The following DLG5 variants were observed in gnomAD, a reference collection of about 807,000 sequenced individuals.
DLG5 encodes discs large MAGUK scaffold protein 5.
Under a neutral mutation model 189.8 loss-of-function variants are expected in DLG5, and 48 were observed. The ratio of observed to expected loss-of-function variants is 0.25; its 90% confidence interval spans 0.20 to 0.32. The LOEUF is 0.32. DLG5 is among the 10% of genes least tolerant of loss of function. DLG5 has a pLI of 1.00. For missense variants in DLG5, 2,160 were observed against 2,544.7 expected (o/e 0.85, Z 3.25); for synonymous variants, 1,016 against 1,054.1 (o/e 0.96, Z 0.70).
upstream of DLG5, among the ~76,000 whole-genome samples, chr10:77,931,201 C>T (rs558447370): frequency 6.6e-6 from 1 of 152,260 alleles, no homozygotes; most frequent in South Asian, 2.1e-4. Context: ...AAGAGATCCA[C>T]CTCTTGGGCC....
In DLG5 at chr10:77,807,057, C is replaced by T. The variant is rs186096547; in HGVS notation, c.4797-129G>A. 175 of 1,028,146 alleles carry T rather than the reference C, an allele frequency of 1.7e-4. No homozygotes were observed. The African/African-American group carries it at 2.5e-3, about 15-fold the overall frequency. The allele number at this position is 1,028,146 out of a possible 1,614,324, so 63.7% of individuals were successfully genotyped here. A position where few individuals can be genotyped will look rare whatever the true frequency, so the allele number is the denominator to read the frequency against. ...GCTGTCTCCAAACTTGATCAGGAAT[C>T]GCCGAGGGTGGTGATTCTCAAAGTG... On this transcript the variant is annotated intron_variant, in intron 25 of 31. Coordinates refer to ENST00000372391, the MANE Select transcript of DLG5 (RefSeq NM_004747.4).
In DLG5 at chr10:77,843,686, T is replaced by G; in HGVS notation, c.885A>C (p.Ser295=). The G allele has an allele frequency of 6.2e-7, 1 of 1,614,128 alleles. No individual in the cohort carries two copies. Among genetic ancestry groups the G allele is most frequent in the Non-Finnish European group, 8.5e-7 (1 of 1,180,034 alleles). ...CATACAGTTTGTTGAGAATCTCGGA[T>G]GACCCGTTGTGCTTCAACACCTGGA... ...QQQQVLKHNG[S]SEILNKLYDT... Residue 295 remains serine, a synonymous_variant, in exon 6 of 32, where the codon TCA becomes TCC. Transcript: ENST00000372391.
At chr10:77,894,543 C>CTTTTTT (rs35379334) in intron 1 of DLG5, among the ~76,000 whole-genome samples, 31 of 95,916 alleles carry the variant, frequency 3.2e-4, no homozygotes, top group African/African-American at 7.5e-4. Flanking sequence ...AAGAATAAAG[C>CTTTTTT]TTTTTTTTTT....
Position 77,854,328 on chromosome 10 carries a change from G to A in DLG5, c.579C>T (p.Ile193=). ...GGTCCGACATGGCTCGCACGCACTG[G>A]ATCTTCAGCCTCTCATAGTCAGGAT... ...RLNPDYERLK[I]QCVRAMSDLQ... is the part of the protein sequence containing the mutation. Residue 193 remains isoleucine (I), a synonymous_variant, in exon 4 of 32, where the codon ATC becomes ATT. Transcript: ENST00000372391. 1 of 1,614,118 alleles carries A rather than the reference G, an allele frequency of 6.2e-7. No individual in the cohort carries two copies.
At chr10:77,854,668 C>T (rs577509220) in intron 3 of DLG5, among the ~76,000 whole-genome samples, 1 of 152,214 alleles carries the variant, frequency 6.6e-6, no homozygotes, top group Admixed American at 6.5e-5. Flanking sequence ...GGTCTGAGTC[C>T]ACCAGAAACC....
At position 77,876,635 on chromosome 10, in the gene DLG5, T is replaced by A. The variant is rs545864769; in HGVS notation, c.305-7438A>T. On this transcript the variant is annotated intron_variant, in intron 1 of 31. Transcript: ENST00000372391. ...GTGATCCACCCCAAAATGCTGGAAT[T>A]ACAGGCATGAGCCACCACACCCAGC... is the stretch of plus-strand genomic sequence containing the variant. 1.4e-3 allele frequency among the ~76,000 whole-genome samples: 196 copies of A among 138,510 alleles called. 3 individuals are homozygous for A. The highest frequency in any genetic ancestry group is 5.3e-3 in the African/African-American group (194 of 36,620). The allele number at this position is 138,510 out of a possible 152,430, so 90.9% of individuals were successfully genotyped here. A position where few individuals can be genotyped will look rare whatever the true frequency, so the allele number is the denominator to read the frequency against.
intron 1 of DLG5, among the ~76,000 whole-genome samples, chr10:77,872,778 G>A (rs547443049): frequency 1.4e-4 from 21 of 152,120 alleles, no homozygotes; most frequent in Non-Finnish European, 2.6e-4. Flanking sequence ...AGGTGTCGGC[G>A]TCATCTACCT....
At chr10:77,792,975 A>G (rs938440936) in intron 31 of DLG5, 1 of 190,734 alleles carries the variant, frequency 5.2e-6, no homozygotes, top group African/African-American at 2.4e-5. Context: ...GGAGTTTGAC[A>G]AAGGGGTCTA....
intron 5 of DLG5, among the ~76,000 whole-genome samples, chr10:77,851,111 A>G (rs1843950693): frequency 1.3e-5 from 2 of 152,226 alleles, no homozygotes; most frequent in African/African-American, 2.4e-5. Context: ...AGGGCAGAGA[A>G]GGGGCTCAAA....
In DLG5 at chr10:77,811,875, C is replaced by T. The variant is rs764259402; in HGVS notation, c.4322+49G>A. On this transcript the variant is annotated intron_variant, in intron 22 of 31. Coordinates refer to ENST00000372391, the MANE Select transcript of DLG5 (RefSeq NM_004747.4). ...CTAAAATGAGCAGAGTGCTGCTGCACCCACCTCTCCACCCCCAGCCCAGAC... is the reference window on the plus strand; with the variant it reads ...CTAAAATGAGCAGAGTGCTGCTGCATCCACCTCTCCACCCCCAGCCCAGAC... The T allele has an allele frequency of 3.8e-6, 6 of 1,559,576 alleles. No individual in the cohort carries two copies. In the South Asian group the frequency reaches 4.6e-5, roughly 12 times the overall value.
intron 2 of DLG5, among the ~76,000 whole-genome samples, chr10:77,863,446 T>C (rs1266711130): frequency 6.6e-6 from 1 of 152,156 alleles, no homozygotes; most frequent in Non-Finnish European, 1.5e-5. Context: ...GAAGCCATCA[T>C]CCTAAGAGTG....
chr10:77,851,678 C>T (rs776171017), intron 5 of DLG5, among the ~76,000 whole-genome samples: 8 of 152,232 alleles, frequency 5.3e-5, no homozygotes, highest in Non-Finnish European at 1.2e-4. Flanking sequence ...GGGTCTCTTG[C>T]TGAGCCTGCC....
chr10:77,879,412 G>A (rs1050968485), intron 1 of DLG5, among the ~76,000 whole-genome samples: 4 of 151,956 alleles, frequency 2.6e-5, no homozygotes, highest in African/African-American at 7.2e-5. Flanking sequence ...AGAGTGAGAC[G>A]GGAAAACTCT....
chr10:77,924,053 C>A (rs1040294751), intron 1 of DLG5, among the ~76,000 whole-genome samples: 1 of 152,004 alleles, frequency 6.6e-6, no homozygotes, highest in Non-Finnish European at 1.5e-5. Flanking sequence ...TTATTAGAGA[C>A]GGGGTTTCAC....
the DLG5 span, among the ~76,000 whole-genome samples, chr10:77,932,781 G>A: frequency 6.6e-6 from 1 of 152,190 alleles, no homozygotes; most frequent in Non-Finnish European, 1.5e-5. Flanking sequence ...GGGGCGCTAA[G>A]CACCAGGAGC....
At chr10:77,797,708 C>A (rs550098504) in intron 27 of DLG5, among the ~76,000 whole-genome samples, 1 of 152,090 alleles carries the variant, frequency 6.6e-6, no homozygotes, top group Non-Finnish European at 1.5e-5. Context: ...GGGATCTGTA[C>A]GCATATGCAG....
At chr10:77,912,935 G>A (rs556351014) in intron 1 of DLG5, among the ~76,000 whole-genome samples, 4 of 152,116 alleles carry the variant, frequency 2.6e-5, no homozygotes, top group Non-Finnish European at 4.4e-5. Context: ...GAGAACCCCA[G>A]GGAAACCTGT....
At position 77,796,545 on chromosome 10, in the gene DLG5, A is replaced by C. The variant is rs751257561; in HGVS notation, c.5214T>G (p.Ala1738=). 6.2e-7 allele frequency: 1 copy of C among 1,614,116 alleles called. No homozygotes were observed. The highest frequency in any genetic ancestry group is 1.7e-5 in the Admixed American group (1 of 60,028). Residue 1738 remains alanine (A), a synonymous_variant, in exon 28 of 32, where the codon GCT becomes GCG. Coordinates refer to ENST00000372391, the MANE Select transcript of DLG5 (RefSeq NM_004747.4). This position sits in a 1 kb window ranked among gnomAD's most constrained non-coding sequence, Gnocchi z 5.2. The stretch of plus-strand genomic sequence containing the variant: ...GCCCCAGAATCAGGACAGGCCTCAG[A>C]GCGGTGCAGTCCACCTTCTGGACCC... ...YQRVQKVDCT[A]LRPVLILGPL... is the part of the protein sequence containing the mutation.
At chr10:77,792,630 C>T in intron 31 of DLG5, 87 bp from the exon 32 acceptor site, 1 of 1,222,898 alleles carries the variant, frequency 8.2e-7, no homozygotes, top group Non-Finnish European at 1.2e-6. Context: ...ACTCTTTCTA[C>T]TGTGTGGCTG....
Sources: gnomAD v4.1 joint callset for allele counts (sites outside exome capture counted in the v4.1 genomes callset) on GRCh38, gnomAD v4.1.1 for gene constraint, Gnocchi (gnomAD v3.1) non-coding constraint, MANE v1.5 for transcripts, NCBI Gene and HGNC (gene_info 2026-07-23, HGNC 2026-07-21) for gene names.